MARCHF5: variants seen among roughly 807,000 people sequenced by gnomAD.
MARCHF5 encodes membrane associated ring-CH-type finger 5.
MARCHF5 carries 5 observed loss-of-function variants against 36.5 expected under a neutral mutation model. That is an observed-to-expected ratio of 0.14 (90% confidence interval 0.07 to 0.29). The LOEUF (loss-of-function observed/expected upper bound fraction) is 0.29. MARCHF5 is among the 10% of genes least tolerant of loss of function. The pLI is 1.00. For synonymous variants in MARCHF5, 103 were observed against 109.9 expected, an observed-to-expected ratio of 0.94 and a Z score of 0.39; for missense variants, 179 against 336.3, an observed-to-expected ratio of 0.53 and a Z score of 3.66.
chr10:92,340,914 G>A, intron 3 of MARCHF5, 111 bp downstream of exon 3: 1 of 988,986 alleles, frequency 1.0e-6, no homozygotes, highest in Non-Finnish European at 1.4e-6. Flanking sequence ...ACATTCTCAT[G>A]TTCTTTCTAA....
Position 92,323,637 on chromosome 10 carries a change from A to G in MARCHF5, c.238+12300A>G, listed in dbSNP as rs912583723. ...TCTCCATGGTTTTCCCTTTTCCACA[A>G]GGTCATATAGTTGGACTCGTACAGT... On this transcript the variant is annotated intron_variant, in intron 2 of 5. Coordinates refer to ENST00000358935, the MANE Select transcript of MARCHF5 (RefSeq NM_017824.5). 2.6e-5 allele frequency among the ~76,000 whole-genome samples: 4 copies of G among 151,960 alleles called. 1 individual carries two copies. Among genetic ancestry groups the G allele is most frequent in the Admixed American group, 2.6e-4 (4 of 15,246 alleles).
chr10:92,311,081 G>T, intron 1 of MARCHF5, 54 bp from the exon 2 acceptor site: 1 of 1,340,524 alleles, frequency 7.5e-7, no homozygotes, highest in South Asian at 1.2e-5. Context: ...GCAGTATAGA[G>T]GAGGCTGGAG....
chr10:92,317,111 A>G (rs948550689), intron 2 of MARCHF5, among the ~76,000 whole-genome samples: 19 of 151,972 alleles, frequency 1.3e-4, no homozygotes, highest in Non-Finnish European at 5.9e-5. Context: ...TTCTTTTATT[A>G]TTATTATTTT....
At chr10:92,321,243 CT>C (rs2135195874) in intron 2 of MARCHF5, among the ~76,000 whole-genome samples, 1 of 152,166 alleles carries the variant, frequency 6.6e-6, no homozygotes, top group South Asian at 2.1e-4. Flanking sequence ...TGTATGTTAA[CT>C]GGGTTTTTCA....
chr10:92,304,759 C>T (rs1843053023), intron 1 of MARCHF5, among the ~76,000 whole-genome samples: 1 of 152,088 alleles, frequency 6.6e-6, no homozygotes, highest in Non-Finnish European at 1.5e-5. Flanking sequence ...CAAAAATAAA[C>T]GTGATGGTTT....
chr10:92,346,002 T>C (rs1049495422), intron 3 of MARCHF5, among the ~76,000 whole-genome samples: 1 of 152,222 alleles, frequency 6.6e-6, no homozygotes, highest in African/African-American at 2.4e-5. Context: ...GCCTTTATTT[T>C]ATACATAGAT....
chr10:92,321,444 G>T (rs1020883792), intron 2 of MARCHF5, among the ~76,000 whole-genome samples: 3 of 152,014 alleles, frequency 2.0e-5, no homozygotes, highest in Non-Finnish European at 2.9e-5. Flanking sequence ...GGGGTTCCTG[G>T]GATAAGTTCT....
intron 2 of MARCHF5, chr10:92,334,695 A>T: frequency 6.6e-6 from 1 of 152,222 alleles, no homozygotes; most frequent in Non-Finnish European, 1.5e-5. Flanking sequence ...ATTTTAATTT[A>T]TATTACAGTG....
intron 3 of MARCHF5, among the ~76,000 whole-genome samples, chr10:92,345,922 T>G (rs1843638635): frequency 1.3e-5 from 2 of 152,038 alleles, no homozygotes; most frequent in African/African-American, 2.4e-5. Flanking sequence ...ACTCCTAGAC[T>G]CAAGTTACCC....
At chr10:92,311,054 C>T in intron 1 of MARCHF5, 81 bp from the exon 2 acceptor site, 1 of 971,984 alleles carries the variant, frequency 1.0e-6, no homozygotes, top group East Asian at 2.5e-5. Context: ...GCAGGCTCAT[C>T]CCATTAAGTA....
intron 2 of MARCHF5, among the ~76,000 whole-genome samples, chr10:92,335,956 A>G (rs1394121201): frequency 6.6e-6 from 1 of 152,258 alleles, no homozygotes; most frequent in African/African-American, 2.4e-5. Flanking sequence ...TCAGTTCAAC[A>G]AATGATTGAG....
At chr10:92,338,027 TTAAATA>T (rs1168375093) in intron 2 of MARCHF5, among the ~76,000 whole-genome samples, 3 of 150,942 alleles carry the variant, frequency 2.0e-5, no homozygotes, top group Admixed American at 6.6e-5. Context: ...AAAAAAAAAT[TTAAATA>T]AAGAAAATTA....
intron 1 of MARCHF5, among the ~76,000 whole-genome samples, chr10:92,305,808 T>G (rs1220490156): frequency 6.6e-6 from 1 of 152,154 alleles, no homozygotes; most frequent in East Asian, 1.9e-4. Context: ...AACCAAAAAC[T>G]AGTCCCATCT....
intron 2 of MARCHF5, among the ~76,000 whole-genome samples, chr10:92,331,216 T>A (rs140276544): frequency 6.6e-6 from 1 of 152,200 alleles, no homozygotes; most frequent in East Asian, 1.9e-4. Flanking sequence ...TGGTGGTGAC[T>A]TTTTTCAGCA....
At position 92,299,604 on chromosome 10, in the gene MARCHF5, A is replaced by C. The variant is rs1316716345; in HGVS notation, c.35+8075A>C. On this transcript the variant is annotated intron_variant, in intron 1 of 5. Transcript: ENST00000358935. ...GTTTCAATAGAACCTTGTTGCATTT[A>C]TTATAGTGTATCACATTGTACTGTA... is the stretch of plus-strand genomic sequence containing the variant. Among the ~76,000 whole-genome samples the C allele has an allele frequency of 4.6e-5, 7 of 152,168 alleles. 1 individual carries two copies. The highest frequency in any genetic ancestry group is 4.6e-4 in the Admixed American group (7 of 15,280).
At chr10:92,314,471 G>T (rs1843183481) in intron 2 of MARCHF5, among the ~76,000 whole-genome samples, 1 of 152,022 alleles carries the variant, frequency 6.6e-6, no homozygotes, top group Admixed American at 6.5e-5. Context: ...GTGAAACCTT[G>T]TGTCTACTAA....
At chr10:92,321,445 G>A (rs1413482952) in intron 2 of MARCHF5, among the ~76,000 whole-genome samples, 1 of 152,050 alleles carries the variant, frequency 6.6e-6, no homozygotes, top group Non-Finnish European at 1.5e-5. Context: ...GGGTTCCTGG[G>A]ATAAGTTCTA....
chr10:92,352,846 A>C lies in MARCHF5; in HGVS notation c.*1639A>C, dbSNP rs1843734631. The C allele has an allele frequency of 6.6e-6, 1 of 152,670 alleles. No individual in the cohort carries two copies. Among genetic ancestry groups the C allele is most frequent in the African/African-American group, 2.4e-5 (1 of 41,458 alleles). The allele number at this position is 152,670 out of a possible 1,614,324, so 9.5% of individuals were successfully genotyped here. ...ACACTACTACAGTTCTGAAGGGGAA[A>C]TATAACATCTATGGTTATATATTTT... On this transcript the variant is annotated 3_prime_UTR_variant, in exon 6 of 6. Coordinates refer to ENST00000358935, the MANE Select transcript of MARCHF5 (RefSeq NM_017824.5).
chr10:92,353,273 G>T lies in MARCHF5; in HGVS notation c.*2066G>T, dbSNP rs748120813. The stretch of plus-strand genomic sequence containing the variant: ...ACCACATGCCAGTCTTCCCAGGAAG[G>T]TGACCTGCCTGACCATGAAGCAACA... On this transcript the variant is annotated 3_prime_UTR_variant, in exon 6 of 6. Transcript: ENST00000358935. The T allele has an allele frequency of 5.3e-5, 8 of 152,154 alleles. No individual in the cohort carries two copies. The highest frequency in any genetic ancestry group is 7.4e-5 in the Non-Finnish European group (5 of 68,022). 9.4% of individuals were successfully genotyped at this position (152,154 alleles called of 1,614,324 possible).
Sources: gnomAD v4.1 joint callset for allele counts (sites outside exome capture counted in the v4.1 genomes callset) on GRCh38, gnomAD v4.1.1 for gene constraint, MANE v1.5 for transcripts, NCBI Gene and HGNC (gene_info 2026-07-23, HGNC 2026-07-21) for gene names.